ESRRG: variants seen among roughly 807,000 people sequenced by gnomAD.
The protein encoded by ESRRG is estrogen-related receptor gamma.
A neutral mutation model predicts 44.0 loss-of-function variants in ESRRG; 13 were observed. The observed-to-expected ratio is 0.30, with a 90% CI of 0.19 to 0.47. The LOEUF (loss-of-function observed/expected upper bound fraction) is 0.47, where lower values mean the gene tolerates loss of function less well. Ranked by LOEUF, ESRRG falls within the 20% of genes least tolerant of loss-of-function variation. ESRRG has a pLI of 1.00. For missense variants in ESRRG, 395 were observed against 580.6 expected (o/e 0.68, Z 3.29); for synonymous variants, 215 against 214.6 (o/e 1.00, Z -0.02).
At chr1:216,568,423 T>G (rs1447079841) in intron 3 of ESRRG, among the ~76,000 whole-genome samples, 1 of 152,202 alleles carries the variant, frequency 6.6e-6, no homozygotes, top group Non-Finnish European at 1.5e-5. Context: ...TTTCTTAAAT[T>G]AAAGACCCTG....
At chr1:216,812,356 T>C (rs895678938) in intron 2 of ESRRG, among the ~76,000 whole-genome samples, 2 of 152,162 alleles carry the variant, frequency 1.3e-5, no homozygotes, top group African/African-American at 4.8e-5. Context: ...AAAACCAAAT[T>C]TAAAAATAAG....
At chr1:217,132,852 G>A (rs917045539) in intron 1 of ESRRG, among the ~76,000 whole-genome samples, 2 of 152,098 alleles carry the variant, frequency 1.3e-5, no homozygotes, top group Non-Finnish European at 2.9e-5. Flanking sequence ...TTGAAAACGA[G>A]CTAATTTGGA....
chr1:216,781,252 C>G (rs2093924230), intron 2 of ESRRG, among the ~76,000 whole-genome samples: 2 of 151,670 alleles, frequency 1.3e-5, no homozygotes, highest in Admixed American at 1.3e-4. Context: ...GTGTGCAGTG[C>G]TAGGAATGCA....
chr1:217,092,783 C>A (rs920826821), upstream of ESRRG, among the ~76,000 whole-genome samples: 3 of 152,202 alleles, frequency 2.0e-5, no homozygotes, highest in African/African-American at 7.2e-5. Context: ...TCATTAAATA[C>A]CTTCTGATGC....
intron 2 of ESRRG, among the ~76,000 whole-genome samples, chr1:216,779,898 C>G (rs1158479773): frequency 6.6e-6 from 1 of 151,560 alleles, no homozygotes; most frequent in Non-Finnish European, 1.5e-5. Flanking sequence ...CATAATGCAC[C>G]ATTAGATTCA....
At position 216,666,937 on chromosome 1, in the gene ESRRG, C is replaced by A. The variant is rs552600978; in HGVS notation, c.472+10139G>T. Among the ~76,000 whole-genome samples the A allele has an allele frequency of 2.1e-3, 323 of 152,188 alleles. 3 individuals are homozygous for A. The highest frequency in any genetic ancestry group is 4.1e-3 in the Non-Finnish European group (279 of 68,006). On this transcript the variant is annotated intron_variant, in intron 2 of 6. Transcript: ENST00000408911. ...GGGCAGGTTAAGAGAACTCTCCTCC[C>A]CCCAAAAAAAATCAGTGGAAGAAAT...
At chr1:217,001,295 T>C (rs1304730235) in intron 1 of ESRRG, among the ~76,000 whole-genome samples, 1 of 152,160 alleles carries the variant, frequency 6.6e-6, no homozygotes, top group East Asian at 1.9e-4. Flanking sequence ...CCCACAGAAA[T>C]AAAGCAAATC....
intron 1 of ESRRG, among the ~76,000 whole-genome samples, chr1:217,127,675 T>C (rs1580645529): frequency 1.3e-5 from 2 of 152,330 alleles, no homozygotes; most frequent in East Asian, 3.9e-4. Context: ...ATCAGCTGTA[T>C]GACCTCGGGC....
chr1:216,979,606 G>T (rs2073587624), intron 1 of ESRRG, among the ~76,000 whole-genome samples: 2 of 151,986 alleles, frequency 1.3e-5, no homozygotes, highest in Non-Finnish European at 2.9e-5. Context: ...TGCTTGACAA[G>T]TCACTCAAAC....
chr1:216,596,836 C>T (rs2058514792), intron 3 of ESRRG, among the ~76,000 whole-genome samples: 1 of 152,020 alleles, frequency 6.6e-6, no homozygotes, highest in Non-Finnish European at 1.5e-5. Context: ...CTGATCTGGC[C>T]ATGGCATCCT....
chr1:216,679,484 T>C lies in ESRRG; in HGVS notation c.57-1993A>G, dbSNP rs569704307. 7.9e-4 allele frequency among the ~76,000 whole-genome samples: 120 copies of C among 152,198 alleles called. 1 individual carries two copies. Among genetic ancestry groups the C allele is most frequent in the Non-Finnish European group, 7.2e-4 (49 of 67,956 alleles). On this transcript the variant is annotated intron_variant, in intron 1 of 6. Transcript: ENST00000408911. ...TGGACTGTGGGCACATACATTATGA[T>C]CTTAGACTAGAGTTAGAAGTTTTTA...
intron 2 of ESRRG, among the ~76,000 whole-genome samples, chr1:216,748,368 G>A (rs1386390054): frequency 6.6e-6 from 1 of 152,056 alleles, no homozygotes; most frequent in East Asian, 1.9e-4. Context: ...AAAGTCAAAT[G>A]TTTTCCCAAC....
chr1:216,721,094 A>C (rs2086167804), intron 1 of ESRRG, among the ~76,000 whole-genome samples: 1 of 152,254 alleles, frequency 6.6e-6, no homozygotes, highest in Non-Finnish European at 1.5e-5. Context: ...TATTACTGCT[A>C]TTAAATGTGA....
At chr1:216,970,985 C>A (rs979748662) in intron 1 of ESRRG, among the ~76,000 whole-genome samples, 1 of 152,246 alleles carries the variant, frequency 6.6e-6, no homozygotes, top group African/African-American at 2.4e-5. Context: ...AAAGGTCACC[C>A]AGCCCTACAT....
chr1:216,547,532 G>A (rs948867593), intron 5 of ESRRG, among the ~76,000 whole-genome samples: 1 of 152,024 alleles, frequency 6.6e-6, no homozygotes, highest in Admixed American at 6.6e-5. Context: ...CATTTAATGG[G>A]GCTGCACATA....
At chr1:216,874,274 T>C (rs2096311089) in intron 2 of ESRRG, among the ~76,000 whole-genome samples, 1 of 152,204 alleles carries the variant, frequency 6.6e-6, no homozygotes, top group Non-Finnish European at 1.5e-5. Context: ...ATAGTGACTC[T>C]GAATTCTGTC....
At chr1:216,646,631 T>C (rs1250160601) in intron 3 of ESRRG, among the ~76,000 whole-genome samples, 1 of 152,154 alleles carries the variant, frequency 6.6e-6, no homozygotes, top group Admixed American at 6.5e-5. Context: ...CTAGGCCACA[T>C]GGTATGCTAA....
In ESRRG at chr1:216,513,012, G is replaced by GA. The variant is rs1157624106; in HGVS notation, c.1133-5830dup. 4.6e-5 allele frequency among the ~76,000 whole-genome samples: 7 copies of GA among 152,142 alleles called. No homozygotes were observed. In the East Asian group the frequency reaches 5.8e-4, roughly 13 times the overall value. Reference sequence around the variant, plus strand: ...CTTCCCTAGAGTCTCCAGAGGGAGTGAAAACCTGTCCATACATTGTCTTAC... The same window carrying GA: ...CTTCCCTAGAGTCTCCAGAGGGAGTGAAAAACCTGTCCATACATTGTCTTAC... On this transcript the variant is annotated intron_variant, in intron 6 of 6. Transcript: ENST00000408911.
chr1:216,654,125 C>A (rs371384044), intron 2 of ESRRG, among the ~76,000 whole-genome samples: 2 of 135,178 alleles, frequency 1.5e-5, no homozygotes, highest in East Asian at 2.1e-4. Context: ...TTCATCCCCA[C>A]CCTCCAAAAA....
Sources: gnomAD v4.1 joint callset for allele counts (sites outside exome capture counted in the v4.1 genomes callset) on GRCh38, gnomAD v4.1.1 for gene constraint, MANE v1.5 for transcripts, NCBI Gene and HGNC (gene_info 2026-07-23, HGNC 2026-07-21) for gene names.